SPON1: variants seen among roughly 807,000 people sequenced by gnomAD.
SPON1 encodes the protein spondin-1.
SPON1 carries 52 observed loss-of-function variants against 111.7 expected under a neutral mutation model. The ratio of observed to expected loss-of-function variants is 0.47; its 90% CI spans 0.37 to 0.59. The LOEUF is 0.59. SPON1 is among the 20% of genes least tolerant of loss of function. The pLI is 0.00. For synonymous variants in SPON1, 410 were observed against 395.8 expected, an observed-to-expected ratio of 1.04 and a Z score of -0.43; for missense variants, 957 against 1,068.5, an observed-to-expected ratio of 0.90 and a Z score of 1.46.
intron 6 of SPON1, among the ~76,000 whole-genome samples, chr11:14,159,637 T>A (rs1554930723): frequency 2.6e-5 from 4 of 152,094 alleles, no homozygotes; most frequent in Non-Finnish European, 1.5e-5. Context: ...ATGACCAAAG[T>A]GTCCATCAAC....
chr11:14,068,800 G>A (rs1270033378), intron 3 of SPON1, among the ~76,000 whole-genome samples: 1 of 152,142 alleles, frequency 6.6e-6, no homozygotes, highest in East Asian at 1.9e-4. Context: ...GTTTGATTGG[G>A]ATTCTAACAG....
intron 3 of SPON1, among the ~76,000 whole-genome samples, chr11:14,055,529 C>G (rs1554919091): frequency 2.0e-5 from 3 of 152,164 alleles, no homozygotes; most frequent in African/African-American, 7.2e-5. Context: ...ATAGAAAGAC[C>G]AGGCTTCTGC....
At chr11:14,250,772 TA>T (rs1205114311) in intron 7 of SPON1, among the ~76,000 whole-genome samples, 1 of 152,240 alleles carries the variant, frequency 6.6e-6, no homozygotes, top group Non-Finnish European at 1.5e-5. Flanking sequence ...CAGTCCTATC[TA>T]GCATTTTCTA....
At chr11:14,065,741 C>CTT (rs1848827785) in intron 3 of SPON1, among the ~76,000 whole-genome samples, 1 of 152,178 alleles carries the variant, frequency 6.6e-6, no homozygotes, top group African/African-American at 2.4e-5. Context: ...GGGTCAGGAA[C>CTT]CCCTTTGAGA....
chr11:13,976,644 G>A (rs559491560), intron 1 of SPON1, among the ~76,000 whole-genome samples: 1 of 152,194 alleles, frequency 6.6e-6, no homozygotes, highest in Admixed American at 6.5e-5. Context: ...CTGAGCAGAT[G>A]TACAAAAGTT....
intron 2 of SPON1, among the ~76,000 whole-genome samples, chr11:14,035,107 G>A (rs934587874): frequency 2.0e-5 from 3 of 152,230 alleles, no homozygotes; most frequent in Non-Finnish European, 2.9e-5. Context: ...AAGTACTTAT[G>A]TGTATGTTGG....
At position 13,963,031 on chromosome 11, in the gene SPON1, T is replaced by C. The variant is rs1554907673; in HGVS notation, c.127T>C (p.Tyr43His). The change falls in exon 1 of 16, where the codon TAC (tyrosine) becomes CAC (histidine). Residue 43 changes from tyrosine to histidine, a missense_variant. This residue lies in a region of SPON1 where 262 missense variants were observed against 253.9 expected (regional missense o/e 1.03). Coordinates refer to ENST00000576479, the MANE Select transcript of SPON1 (RefSeq NM_006108.4). Reference protein sequence around the residue: ...TLDKVPKSEGYCSRILRAQGT... With the variant: ...TLDKVPKSEGHCSRILRAQGT... ...GGACAAAGTGCCCAAGTCAGAGGGC[T>C]ACTGCAGCCGTATCCTGCGCGCCCA... The C allele has an allele frequency of 3.8e-6, 6 of 1,588,966 alleles. No homozygotes were observed. Among genetic ancestry groups the C allele is most frequent in the East Asian group, 4.6e-5 (2 of 43,086 alleles).
At chr11:14,055,396 A>T (rs181901577) in intron 3 of SPON1, among the ~76,000 whole-genome samples, 19 of 152,330 alleles carry the variant, frequency 1.2e-4, no homozygotes, top group Admixed American at 2.0e-4. Context: ...AGGATCCTCT[A>T]GACAGAACTA....
At chr11:14,112,471 T>C (rs1435915913) in intron 5 of SPON1, among the ~76,000 whole-genome samples, 1 of 152,250 alleles carries the variant, frequency 6.6e-6, no homozygotes, top group Non-Finnish European at 1.5e-5. Context: ...TTAACTCCTC[T>C]GTGCCTTGGT....
intron 5 of SPON1, among the ~76,000 whole-genome samples, chr11:14,082,155 A>T (rs1440904034): frequency 6.6e-6 from 1 of 151,054 alleles, no homozygotes; most frequent in Non-Finnish European, 1.5e-5. Context: ...CTATTCTGCC[A>T]CTGTCATTTC....
intron 2 of SPON1, among the ~76,000 whole-genome samples, chr11:14,023,547 A>G (rs1554914957): frequency 6.6e-6 from 1 of 152,078 alleles, no homozygotes; most frequent in African/African-American, 2.4e-5. Flanking sequence ...GGGAGATGAT[A>G]AATTAATAAC....
At chr11:14,039,875 A>G (rs527825248) in intron 2 of SPON1, among the ~76,000 whole-genome samples, 2 of 152,278 alleles carry the variant, frequency 1.3e-5, no homozygotes, top group East Asian at 3.9e-4. Flanking sequence ...AGACAATAGA[A>G]TCCACTGGCA....
chr11:14,211,106 G>GA (rs1402952012), intron 6 of SPON1, among the ~76,000 whole-genome samples: 1 of 152,098 alleles, frequency 6.6e-6, no homozygotes, highest in Non-Finnish European at 1.5e-5. Context: ...GGTTCCATAT[G>GA]AAATTTAAAG....
At chr11:14,147,994 G>C (rs782799244) in intron 6 of SPON1, among the ~76,000 whole-genome samples, 3 of 152,052 alleles carry the variant, frequency 2.0e-5, no homozygotes, top group Non-Finnish European at 4.4e-5. Flanking sequence ...TTAGACTTTT[G>C]ACAACTATAT....
intron 5 of SPON1, among the ~76,000 whole-genome samples, chr11:14,087,328 G>A (rs1849014844): frequency 6.6e-6 from 1 of 152,176 alleles, no homozygotes; most frequent in South Asian, 2.1e-4. Flanking sequence ...GTGTCCCAGA[G>A]ATTCTGGTAC....
chr11:14,265,994 C>T lies in SPON1; in HGVS notation c.*307C>T, dbSNP rs1849263128. 1 of 252,146 alleles carries T rather than the reference C, an allele frequency of 4.0e-6. No homozygotes were observed. Among genetic ancestry groups the T allele is most frequent in the South Asian group, 6.4e-5 (1 of 15,562 alleles). 15.6% of individuals were successfully genotyped at this position (252,146 alleles called of 1,614,324 possible). ...GGCCAGGGAGGACGGAGACTTTGACCTACTCCACATGGAGAGGCAACCATG... is the reference window on the plus strand; with the variant it reads ...GGCCAGGGAGGACGGAGACTTTGACTTACTCCACATGGAGAGGCAACCATG... On this transcript the variant is annotated 3_prime_UTR_variant, in exon 16 of 16. Coordinates refer to ENST00000576479, the MANE Select transcript of SPON1 (RefSeq NM_006108.4).
intron 2 of SPON1, among the ~76,000 whole-genome samples, chr11:13,989,245 A>G (rs1302824409): frequency 6.6e-6 from 1 of 152,180 alleles, no homozygotes; most frequent in Admixed American, 6.5e-5. Flanking sequence ...TGGTTTATTC[A>G]GGGATTCAGC....
At chr11:14,185,088 G>T (rs2133889051) in intron 6 of SPON1, among the ~76,000 whole-genome samples, 1 of 152,284 alleles carries the variant, frequency 6.6e-6, no homozygotes, top group South Asian at 2.1e-4. Flanking sequence ...AACCCTCTTA[G>T]CCATGCAGCA....
At position 14,135,667 on chromosome 11, in the gene SPON1, G is replaced by A. The variant is rs1847583380; in HGVS notation, c.825+99G>A. ...GGGCTTGAAATTTGCAGTACAATGT[G>A]GTGGAAGAAAATCTATTTGCTGAGT... is the stretch of plus-strand genomic sequence containing the variant. On this transcript the variant is annotated intron_variant, in intron 6 of 15. Transcript: ENST00000576479. This position sits in a 1 kb window ranked among gnomAD's most constrained non-coding sequence, Gnocchi z 4.4. The A allele has an allele frequency of 8.1e-7, 1 of 1,228,284 alleles. No homozygotes were observed. Among genetic ancestry groups the A allele is most frequent in the Non-Finnish European group, 1.1e-6 (1 of 872,952 alleles). The allele number at this position is 1,228,284 out of a possible 1,614,324, so 76.1% of individuals were successfully genotyped here. A position where few individuals can be genotyped will look rare whatever the true frequency, so the allele number is the denominator to read the frequency against.
Sources: gnomAD v4.1 joint callset for allele counts (sites outside exome capture counted in the v4.1 genomes callset) on GRCh38, gnomAD v4.1.1 for gene constraint, gnomAD v4.1.1 regional missense constraint, Gnocchi (gnomAD v3.1) non-coding constraint, MANE v1.5 for transcripts, NCBI Gene and HGNC (gene_info 2026-07-23, HGNC 2026-07-21) for gene names.